The following DENND1B variants were observed in gnomAD, a reference collection of about 807,000 sequenced individuals.
The protein encoded by DENND1B is DENN domain containing 1B, also known as DENN domain-containing protein 1B.
Under a neutral mutation model 90.1 loss-of-function variants are expected in DENND1B, and 59 were observed. That is an observed-to-expected ratio of 0.65 (90% CI 0.53 to 0.81). The LOEUF (loss-of-function observed/expected upper bound fraction) is 0.81. DENND1B is among the 40% of genes least tolerant of loss of function. The probability of loss-of-function intolerance (pLI) is 0.00; values close to 1 mark genes in which losing one functional copy is unlikely to be tolerated. For missense variants in DENND1B, 862 were observed against 912.6 expected (o/e 0.94, Z 0.71); for synonymous variants, 337 against 324.6 (o/e 1.04, Z -0.41).
chr1:197,525,669 A>G (rs1019933325), intron 20 of DENND1B, among the ~76,000 whole-genome samples: 1 of 152,106 alleles, frequency 6.6e-6, no homozygotes, highest in Non-Finnish European at 1.5e-5. Context: ...AAGGGTTAAA[A>G]TATTTGTTAG....
At chr1:197,732,374 C>T (rs1423397863) in intron 2 of DENND1B, among the ~76,000 whole-genome samples, 2 of 152,104 alleles carry the variant, frequency 1.3e-5, no homozygotes, top group African/African-American at 2.4e-5. Context: ...TCTCTTTGCC[C>T]TTACCTCATT....
intron 2 of DENND1B, among the ~76,000 whole-genome samples, chr1:197,720,300 G>A (rs576227960): frequency 9.2e-5 from 14 of 152,000 alleles, no homozygotes; most frequent in Non-Finnish European, 1.9e-4. Flanking sequence ...ACAGTGGCAT[G>A]AGCATGGCTC....
chr1:197,546,675 T>G, intron 17 of DENND1B, 58 bp downstream of exon 17: 1 of 1,413,782 alleles, frequency 7.1e-7, no homozygotes, highest in East Asian at 2.5e-5. Flanking sequence ...ATACTTTTGC[T>G]GAACATTTCT....
At chr1:197,767,827 G>A (rs1316577685) in intron 2 of DENND1B, among the ~76,000 whole-genome samples, 1 of 151,980 alleles carries the variant, frequency 6.6e-6, no homozygotes, top group African/African-American at 2.4e-5. Context: ...TTCCCATTTG[G>A]AAAAAATGAT....
chr1:197,737,919 T>C (rs1662860452), intron 2 of DENND1B, among the ~76,000 whole-genome samples: 1 of 152,130 alleles, frequency 6.6e-6, no homozygotes, highest in African/African-American at 2.4e-5. Flanking sequence ...AGATAAAATT[T>C]CCAGTATTAT....
At chr1:197,714,817 T>C (rs1660482240) in intron 3 of DENND1B, among the ~76,000 whole-genome samples, 1 of 152,146 alleles carries the variant, frequency 6.6e-6, no homozygotes, top group Non-Finnish European at 1.5e-5. Context: ...TGAGTTTCAA[T>C]ATAAGGACTC....
intron 3 of DENND1B, among the ~76,000 whole-genome samples, chr1:197,695,653 GA>G (rs1286646836): frequency 6.9e-5 from 10 of 143,978 alleles, no homozygotes; most frequent in African/African-American, 2.6e-4. Context: ...CTTTACATTT[GA>G]AAAAACAATA....
Position 197,545,911 on chromosome 1 carries a change from A to G in DENND1B, c.1350+11T>C, listed in dbSNP as rs1571824407. 5 of 1,597,922 alleles carry G rather than the reference A, an allele frequency of 3.1e-6. No individual in the cohort carries two copies. The highest frequency in any genetic ancestry group is 1.7e-4 in the Middle Eastern group (1 of 5,766). On this transcript the variant is annotated intron_variant, in intron 18 of 22. Transcript: ENST00000620048. ...TCATAAATAGGATTGTTAAATATCA[A>G]AAAAACTTACAAATTTATATGCTGT...
chr1:197,530,288 A>G (rs1256000764), intron 20 of DENND1B, among the ~76,000 whole-genome samples: 4 of 152,234 alleles, frequency 2.6e-5, no homozygotes, highest in African/African-American at 4.8e-5. Flanking sequence ...TTAAATGATC[A>G]TAATCCCATT....
At chr1:197,529,274 GTA>G (rs1558206103) in intron 20 of DENND1B, among the ~76,000 whole-genome samples, 21 of 116,298 alleles carry the variant, frequency 1.8e-4, no homozygotes, top group African/African-American at 5.6e-4. Flanking sequence ...GTGTGTATAT[GTA>G]TATATGTATA....
intron 20 of DENND1B, among the ~76,000 whole-genome samples, chr1:197,517,770 A>C (rs368924292): frequency 6.6e-6 from 1 of 151,842 alleles, no homozygotes; most frequent in African/African-American, 2.4e-5. Flanking sequence ...GCCTCTCTGG[A>C]GGCTTCACCT....
At chr1:197,776,928 A>G (rs1657300645), upstream of DENND1B, among the ~76,000 whole-genome samples, 1 of 152,180 alleles carries the variant, frequency 6.6e-6, no homozygotes, top group Admixed American at 6.5e-5. Flanking sequence ...TATTACTTGT[A>G]CATCACATGA....
rs78766454 is a variant in DENND1B at position 197,646,947 on chromosome 1, T to G, written c.507+108A>C. ...ATGATTAATTTTCTTAAGAGTCAAA[T>G]TCACCATTTCCCAAAGGGCTGGAGT... On this transcript the variant is annotated intron_variant, in intron 8 of 22. Transcript: ENST00000620048. 6.7e-3 allele frequency: 5,098 copies of G among 756,034 alleles called. 195 individuals are homozygous for G. The African/African-American group carries it at 0.083, about 12-fold the overall frequency. The allele number at this position is 756,034 out of a possible 1,614,324, so 46.8% of individuals were successfully genotyped here. A position where few individuals can be genotyped will look rare whatever the true frequency, so the allele number is the denominator to read the frequency against.
At chr1:197,740,835 A>C (rs1663143140) in intron 2 of DENND1B, among the ~76,000 whole-genome samples, 1 of 152,188 alleles carries the variant, frequency 6.6e-6, no homozygotes. Context: ...GCTGAAGAAA[A>C]GACTATACTT....
chr1:197,659,288 G>T (rs1025806392), intron 5 of DENND1B, among the ~76,000 whole-genome samples: 1 of 151,626 alleles, frequency 6.6e-6, no homozygotes, highest in African/African-American at 2.4e-5. Context: ...CGTAAAAAAA[G>T]AATTCTAACA....
intron 10 of DENND1B, among the ~76,000 whole-genome samples, chr1:197,631,993 C>G (rs1183692462): frequency 6.6e-6 from 1 of 152,134 alleles, no homozygotes; most frequent in Non-Finnish European, 1.5e-5. Flanking sequence ...TACTCTTAAG[C>G]TAATACCACA....
intron 20 of DENND1B, among the ~76,000 whole-genome samples, chr1:197,538,970 C>A (rs1670126101): frequency 6.6e-6 from 1 of 152,038 alleles, no homozygotes; most frequent in Admixed American, 6.6e-5. Context: ...GGTGCCAGTG[C>A]CTTGATCTTG....
intron 10 of DENND1B, 82 bp from the exon 11 acceptor site, chr1:197,617,841 A>G (rs1176434730): frequency 1.1e-6 from 1 of 870,074 alleles, no homozygotes; most frequent in Non-Finnish European, 1.9e-6. Context: ...TCAACAATGA[A>G]CAGTAATCAC....
At chr1:197,605,019 A>T (rs1299049036) in intron 13 of DENND1B, among the ~76,000 whole-genome samples, 3 of 151,114 alleles carry the variant, frequency 2.0e-5, no homozygotes, top group Non-Finnish European at 3.0e-5. Flanking sequence ...CCATCTCAGA[A>T]CTATTTTTAT....
Sources: gnomAD v4.1 joint callset for allele counts (sites outside exome capture counted in the v4.1 genomes callset) on GRCh38, gnomAD v4.1.1 for gene constraint, MANE v1.5 for transcripts, NCBI Gene and HGNC (gene_info 2026-07-23, HGNC 2026-07-21) for gene names.